The following COG6 variants were observed in gnomAD, a reference collection of about 807,000 sequenced individuals.
COG6 encodes component of oligomeric golgi complex 6, also known as conserved oligomeric Golgi complex subunit 6.
A neutral mutation model predicts 88.8 loss-of-function variants in COG6; 74 were observed. The ratio of observed to expected loss-of-function variants is 0.83; its 90% CI spans 0.69 to 1.01. COG6 has a LOEUF of 1.01. COG6 is among the 50% of genes least tolerant of loss of function. The pLI is 0.00. For synonymous variants in COG6, 286 were observed against 278.7 expected (o/e 1.03, Z -0.26); for missense variants, 800 against 797.9 (o/e 1.00, Z -0.03).
Position 39,774,794 on chromosome 13 carries a change from CA to C in COG6, c.1827-13537del, listed in dbSNP as rs531924770. Among the ~76,000 whole-genome samples the C allele has an allele frequency of 3.8e-4, 58 of 152,086 alleles. No homozygotes were observed. In the East Asian group the frequency reaches 0.011, roughly 29 times the overall value. On this transcript the variant is annotated intron_variant, in intron 18 of 18. Transcript: ENST00000416691. Reference sequence around the variant, plus strand: ...TTCACCATATTGGCCAGGCAGGTCTCAAAATCCTGACCTCATGATCTGCCCA... The same window carrying C: ...TTCACCATATTGGCCAGGCAGGTCTCAAATCCTGACCTCATGATCTGCCCA...
intron 18 of COG6, among the ~76,000 whole-genome samples, chr13:39,786,979 A>G (rs1266286342): frequency 6.6e-6 from 1 of 152,218 alleles, no homozygotes; most frequent in African/African-American, 2.4e-5. Context: ...TAATCACATT[A>G]TGAGCCCCAA....
At chr13:39,743,189 A>G (rs1221622471) in intron 18 of COG6, among the ~76,000 whole-genome samples, 1 of 152,236 alleles carries the variant, frequency 6.6e-6, no homozygotes, top group African/African-American at 2.4e-5. Context: ...TCACAATTAA[A>G]AGAACTAGAG....
At chr13:39,677,234 GA>G (rs1341891206) in intron 4 of COG6, among the ~76,000 whole-genome samples, 1 of 152,072 alleles carries the variant, frequency 6.6e-6, no homozygotes, top group Non-Finnish European at 1.5e-5. Flanking sequence ...TTTGCGTAAT[GA>G]TCAACTCCAT....
chr13:39,716,741 A>G (rs1448317328), intron 13 of COG6, among the ~76,000 whole-genome samples: 2 of 152,170 alleles, frequency 1.3e-5, no homozygotes, highest in African/African-American at 4.8e-5. Context: ...TACTTTGAAT[A>G]GTATACAAAA....
chr13:39,688,577 G>A (rs895802010), intron 10 of COG6, among the ~76,000 whole-genome samples: 9 of 152,104 alleles, frequency 5.9e-5, no homozygotes, highest in Non-Finnish European at 7.4e-5. Flanking sequence ...CATGAGAGAT[G>A]CACTCCCATA....
chr13:39,761,214 A>G (rs373803474), intron 18 of COG6, among the ~76,000 whole-genome samples: 13 of 152,164 alleles, frequency 8.5e-5, no homozygotes, highest in African/African-American at 2.9e-4. Context: ...ATATAGATCT[A>G]AGAAAACTTT....
intron 4 of COG6, among the ~76,000 whole-genome samples, chr13:39,671,019 C>T (rs1443031643): frequency 2.0e-5 from 3 of 151,960 alleles, no homozygotes; most frequent in African/African-American, 4.8e-5. Flanking sequence ...GGGAGCATCA[C>T]ATCTCCTTTC....
At chr13:39,697,092 T>A (rs1877318270) in intron 12 of COG6, among the ~76,000 whole-genome samples, 1 of 150,860 alleles carries the variant, frequency 6.6e-6, no homozygotes, top group Admixed American at 6.6e-5. Flanking sequence ...TGGTGGGTAA[T>A]GAAGAGTTCC....
rs921758341 is a variant in COG6 at position 39,679,732 on chromosome 13, CTTTA to C, written c.623+118_623+121del. On this transcript the variant is annotated intron_variant, in intron 6 of 18. Coordinates refer to ENST00000455146, the MANE Select transcript of COG6 (RefSeq NM_020751.3). The stretch of plus-strand genomic sequence containing the variant: ...GCATTTTGTGAAATAGAAGTTTAAT[CTTTA>C]TTTATCTTTAGAGAATGGTGAAGTT... 3 of 762,642 alleles carry C rather than the reference CTTTA, an allele frequency of 3.9e-6. No individual in the cohort carries two copies. The African/African-American group carries it at 5.2e-5, about 13-fold the overall frequency. 47.2% of individuals were successfully genotyped at this position (762,642 alleles called of 1,614,324 possible).
At chr13:39,740,852 G>C (rs1394342018) in intron 18 of COG6, among the ~76,000 whole-genome samples, 1 of 151,998 alleles carries the variant, frequency 6.6e-6, no homozygotes, top group East Asian at 1.9e-4. Flanking sequence ...TTTCTTCTTG[G>C]GCTTTTAGGC....
Position 39,751,127 on chromosome 13 carries a change from C to G in COG6, c.*34C>G, listed in dbSNP as rs1483757757. Reference sequence around the variant, plus strand: ...TTTCATTGTGTTAGCAAAATATGACCTCCCTAAAACACTGAAGGTTATTTT... The same window carrying G: ...TTTCATTGTGTTAGCAAAATATGACGTCCCTAAAACACTGAAGGTTATTTT... On this transcript the variant is annotated 3_prime_UTR_variant, in exon 19 of 19. Transcript: ENST00000455146. The G allele has an allele frequency of 6.2e-7, 1 of 1,611,396 alleles. No homozygotes were observed. The highest frequency in any genetic ancestry group is 8.5e-7 in the Non-Finnish European group (1 of 1,178,374).
At chr13:39,768,062 C>G (rs891149075) in intron 18 of COG6, among the ~76,000 whole-genome samples, 1 of 152,186 alleles carries the variant, frequency 6.6e-6, no homozygotes, top group Non-Finnish European at 1.5e-5. Flanking sequence ...CAGGCACTCT[C>G]AGATCTTACC....
At chr13:39,656,921 A>G (rs1337247025) in intron 1 of COG6, 2 of 452,772 alleles carry the variant, frequency 4.4e-6, no homozygotes, top group Non-Finnish European at 8.9e-6. Context: ...CCTGGCACTT[A>G]CTCTTTCTTA....
At chr13:39,658,421 G>T (rs1874670014) in intron 1 of COG6, among the ~76,000 whole-genome samples, 2 of 152,056 alleles carry the variant, frequency 1.3e-5, no homozygotes, top group Non-Finnish European at 2.9e-5. Context: ...GGGATTACAG[G>T]TGTAAGCCAC....
chr13:39,740,540 C>T (rs1197806503), intron 18 of COG6, among the ~76,000 whole-genome samples: 1 of 152,158 alleles, frequency 6.6e-6, no homozygotes, highest in Non-Finnish European at 1.5e-5. Context: ...ATTTCTGATT[C>T]TAGACCCTAT....
chr13:39,782,770 GGT>G (rs1192456140), intron 18 of COG6, among the ~76,000 whole-genome samples: 1 of 152,186 alleles, frequency 6.6e-6, no homozygotes, highest in East Asian at 1.9e-4. Context: ...CCTAGACCAC[GGT>G]GCTCAGGGGG....
chr13:39,694,745 G>C lies in COG6; in HGVS notation c.1166+20G>C, dbSNP rs780040580. 31 of 1,279,452 alleles carry C rather than the reference G, an allele frequency of 2.4e-5. No homozygotes were observed. The highest frequency in any genetic ancestry group is 3.5e-5 in the Non-Finnish European group (31 of 882,274). The allele number at this position is 1,279,452 out of a possible 1,614,324, so 79.3% of individuals were successfully genotyped here. A position where few individuals can be genotyped will look rare whatever the true frequency, so the allele number is the denominator to read the frequency against. On this transcript the variant is annotated intron_variant, in intron 12 of 18. Transcript: ENST00000455146. ...AATCAGGTAAGTAGAATGGCAAAAT[G>C]TGCTTGCTAAATCCAATGTGATATT...
Position 39,727,589 on chromosome 13 carries a change from T to A in COG6, c.1826+41T>A, listed in dbSNP as rs766759435. 2.3e-6 allele frequency: 3 copies of A among 1,322,930 alleles called. No individual in the cohort carries two copies. The South Asian group carries it at 3.5e-5, about 16-fold the overall frequency. The allele number at this position is 1,322,930 out of a possible 1,614,324, so 81.9% of individuals were successfully genotyped here. ...CCCAAGTAGTTGGTAAAGATTCACA[T>A]ATTTTTAAATATCAAGTACATTTTT... On this transcript the variant is annotated intron_variant, in intron 18 of 18. Coordinates refer to ENST00000455146, the MANE Select transcript of COG6 (RefSeq NM_020751.3).
chr13:39,774,032 C>T (rs536096935), intron 18 of COG6, among the ~76,000 whole-genome samples: 7 of 152,212 alleles, frequency 4.6e-5, no homozygotes, highest in African/African-American at 1.7e-4. Flanking sequence ...CCCACAGTCA[C>T]AGATCAGGAT....
Sources: gnomAD v4.1 joint callset for allele counts (sites outside exome capture counted in the v4.1 genomes callset) on GRCh38, gnomAD v4.1.1 for gene constraint, MANE v1.5 for transcripts, NCBI Gene and HGNC (gene_info 2026-07-23, HGNC 2026-07-21) for gene names.